The following EIF4G3 variants were observed in gnomAD, a reference collection of about 807,000 sequenced individuals.
EIF4G3 encodes eIF-4-gamma 3.
A neutral mutation model predicts 186.4 loss-of-function variants in EIF4G3; 34 were observed. That is an observed-to-expected ratio of 0.18 (90% CI 0.14 to 0.24). The LOEUF (loss-of-function observed/expected upper bound fraction) is 0.24, where lower values mean the gene tolerates loss of function less well. Among genes scored for constraint, EIF4G3 ranks in the 10% least tolerant of loss-of-function variants. EIF4G3 has a pLI of 1.00. For missense variants in EIF4G3, 1,536 were observed against 1,948.5 expected (o/e 0.79, Z 3.99); for synonymous variants, 673 against 679.5 (o/e 0.99, Z 0.15).
intron 2 of EIF4G3, among the ~76,000 whole-genome samples, chr1:21,139,689 C>T (rs964404393): frequency 2.0e-5 from 3 of 152,204 alleles, no homozygotes; most frequent in African/African-American, 7.2e-5. Context: ...AAATCTGATT[C>T]AGATCTATTT....
intron 18 of EIF4G3, among the ~76,000 whole-genome samples, chr1:20,889,836 A>G (rs1423177750): frequency 6.6e-6 from 1 of 152,162 alleles, no homozygotes; most frequent in Non-Finnish European, 1.5e-5. Context: ...TTTCATGGTA[A>G]TTTCCAACAG....
intron 20 of EIF4G3, among the ~76,000 whole-genome samples, chr1:20,877,128 C>T (rs183622205): frequency 8.4e-4 from 128 of 152,292 alleles, no homozygotes; most frequent in Non-Finnish European, 1.4e-3. Context: ...ATCACTCCTC[C>T]ATTAAACTAC....
At position 20,941,830 on chromosome 1, in the gene EIF4G3, C is replaced by T. The variant is rs751138956; in HGVS notation, c.1324G>A (p.Glu442Lys). Residue 442 changes from glutamate to lysine, a missense_variant, in exon 14 of 37, where the codon GAA becomes AAA. By Grantham distance (56) the Glu-to-Lys change is moderately conservative. Around this residue, in one of 11 missense-constraint regions of EIF4G3, gnomAD observed 560 missense variants for 547.8 expected, o/e 1.02. Coordinates refer to ENST00000602326, the MANE Select transcript of EIF4G3 (RefSeq NM_001391906.1). ...GGGGGATTTTCGAGAATCTCCAATT[C>T]AAGAGTCAATGGCAATACTTCCTGT... ...VKQEVLPLTL[E>K]LEILENPPEE... 1 of 1,613,960 alleles carries T rather than the reference C, an allele frequency of 6.2e-7. No homozygotes were observed. Among genetic ancestry groups the T allele is most frequent in the Admixed American group, 1.7e-5 (1 of 59,992 alleles).
Position 20,988,036 on chromosome 1 carries a change from C to A in EIF4G3, c.178-5628G>T, listed in dbSNP as rs189233781. 1.7e-4 allele frequency among the ~76,000 whole-genome samples: 26 copies of A among 152,278 alleles called. 1 individual carries two copies. The highest frequency in any genetic ancestry group is 6.3e-4 in the African/African-American group (26 of 41,558). On this transcript the variant is annotated intron_variant, in intron 7 of 36. Transcript: ENST00000602326. ...GAGCAGTTTGGATAGAAGATCAAACCAGCCACAACATTCCCTTAAGCCAAA... is the reference window on the plus strand; with the variant it reads ...GAGCAGTTTGGATAGAAGATCAAACAAGCCACAACATTCCCTTAAGCCAAA...
At chr1:20,855,215 T>C (rs2074524456) in intron 25 of EIF4G3, 144 bp from the exon 26 acceptor site, 5 of 601,162 alleles carry the variant, frequency 8.3e-6, no homozygotes, top group Non-Finnish European at 1.4e-5. Context: ...AAACAGAAAT[T>C]GGAGCTGTTC....
In EIF4G3 at chr1:21,113,832, T is replaced by C. The variant is rs148996373; in HGVS notation, c.-271-24619A>G. 6.1e-3 allele frequency among the ~76,000 whole-genome samples: 921 copies of C among 152,168 alleles called. 12 individuals carry two copies. Among genetic ancestry groups the C allele is most frequent in the African/African-American group, 0.021 (879 of 41,496 alleles). On this transcript the variant is annotated intron_variant, in intron 2 of 36. Coordinates refer to ENST00000602326, the MANE Select transcript of EIF4G3 (RefSeq NM_001391906.1). ...GAGTTTGAGACTATCCTGAGCAACA[T>C]GGTAAAACCCCGTCTCTTCAAAAAA...
At chr1:20,964,620 G>A (rs569110266) in intron 12 of EIF4G3, among the ~76,000 whole-genome samples, 66 of 152,294 alleles carry the variant, frequency 4.3e-4, no homozygotes, top group African/African-American at 1.5e-3. Context: ...CATAGCTTGT[G>A]TCACAAATTT....
intron 2 of EIF4G3, among the ~76,000 whole-genome samples, chr1:21,149,502 T>A (rs142278633): frequency 1.6e-4 from 24 of 152,336 alleles, no homozygotes; most frequent in Admixed American, 1.6e-3. Context: ...GGTATTTTAC[T>A]GGTTGCTAAG....
chr1:21,151,005 C>A (rs1457120556), intron 2 of EIF4G3, among the ~76,000 whole-genome samples: 1 of 151,996 alleles, frequency 6.6e-6, no homozygotes, highest in Non-Finnish European at 1.5e-5. Flanking sequence ...AGTGATTAAA[C>A]AAAATATCAC....
chr1:20,875,210 C>G (rs558366596), intron 20 of EIF4G3, among the ~76,000 whole-genome samples: 1 of 152,166 alleles, frequency 6.6e-6, no homozygotes, highest in African/African-American at 2.4e-5. Context: ...CCTCAAACTC[C>G]TAGGCTCAAG....
At chr1:21,122,075 G>A (rs2096935270) in intron 2 of EIF4G3, among the ~76,000 whole-genome samples, 1 of 152,140 alleles carries the variant, frequency 6.6e-6, no homozygotes, top group African/African-American at 2.4e-5. Flanking sequence ...GGTCACATGA[G>A]CTCCAGTCCC....
intron 3 of EIF4G3, among the ~76,000 whole-genome samples, chr1:21,054,527 GTTC>G (rs934926797): frequency 2.6e-5 from 4 of 151,898 alleles, no homozygotes; most frequent in African/African-American, 9.7e-5. Flanking sequence ...AGTAATATAT[GTTC>G]TTCAGTGGTG....
intron 3 of EIF4G3, among the ~76,000 whole-genome samples, chr1:21,081,227 T>C (rs2095769292): frequency 6.6e-6 from 1 of 152,060 alleles, no homozygotes; most frequent in African/African-American, 2.4e-5. Context: ...GGTCAAGAGA[T>C]CAAGACCATC....
intron 12 of EIF4G3, among the ~76,000 whole-genome samples, chr1:20,964,137 G>C (rs2074091033): frequency 6.6e-6 from 1 of 152,154 alleles, no homozygotes; most frequent in Non-Finnish European, 1.5e-5. Flanking sequence ...ATTTGATACT[G>C]AGCGAGTAAC....
At position 20,810,701 on chromosome 1, in the gene EIF4G3, C is replaced by A; in HGVS notation, c.4744+37G>T. On this transcript the variant is annotated intron_variant, in intron 36 of 36. Transcript: ENST00000602326. The surrounding 1 kb of genome is among the most constrained non-coding windows in gnomAD (Gnocchi z 4.1). ...AGTCCTGGCTTGGATAAATCTCACTCATTGGTTAGATTAACTGTAACATGA... is the reference window on the plus strand; with the variant it reads ...AGTCCTGGCTTGGATAAATCTCACTAATTGGTTAGATTAACTGTAACATGA... 1 of 1,602,150 alleles carries A rather than the reference C, an allele frequency of 6.2e-7. No homozygotes were observed. Among genetic ancestry groups the A allele is most frequent in the African/African-American group, 1.3e-5 (1 of 74,904 alleles).
chr1:20,972,968 T>C, intron 11 of EIF4G3, 34 bp downstream of exon 11: 1 of 1,522,140 alleles, frequency 6.6e-7, no homozygotes, highest in South Asian at 1.2e-5. Context: ...AGATTTTAGA[T>C]TTAAAATAAG....
At chr1:21,091,911 C>T (rs2096217131) in intron 2 of EIF4G3, among the ~76,000 whole-genome samples, 1 of 152,188 alleles carries the variant, frequency 6.6e-6, no homozygotes, top group Non-Finnish European at 1.5e-5. Flanking sequence ...ATGGGGTTTT[C>T]TAAATATACA....
In EIF4G3 at chr1:20,810,762, T is replaced by C. The variant is rs1025261137; in HGVS notation, c.4720A>G (p.Ile1574Val). 5.0e-6 allele frequency: 8 copies of C among 1,613,898 alleles called. No homozygotes were observed. The Middle Eastern group carries it at 4.9e-4, about 100-fold the overall frequency. ...LQALYALQAS[I>V]VKLDQPANLL... is the part of the protein sequence containing the mutation. The stretch of plus-strand genomic sequence containing the variant: ...CTGGCAGGTTGATCAAGTTTTACTA[T>C]CGATGCTTGTAGTGCATAAAGTGCT... Residue 1574 changes from isoleucine to valine, a missense_variant, in exon 36 of 37, where the codon ATA becomes GTA. This residue lies in a region of EIF4G3 where 45 missense variants were observed against 99.1 expected (regional missense o/e 0.45). Transcript: ENST00000602326. This position sits in a 1 kb window ranked among gnomAD's most constrained non-coding sequence, Gnocchi z 4.1.
intron 14 of EIF4G3, among the ~76,000 whole-genome samples, chr1:20,930,356 T>G (rs1298371641): frequency 6.6e-6 from 1 of 152,226 alleles, no homozygotes; most frequent in East Asian, 1.9e-4. Context: ...CCCAATCCTC[T>G]CATACCCTTC....
Sources: allele counts gnomAD v4.1 joint callset (sites outside exome capture counted in the v4.1 genomes callset), GRCh38; gene constraint gnomAD v4.1.1; regional missense constraint gnomAD v4.1.1; non-coding constraint Gnocchi (gnomAD v3.1); transcripts MANE v1.5; gene names NCBI Gene and HGNC (gene_info 2026-07-23, HGNC 2026-07-21).